Variants in SLC49A4 observed in about 807,000 individuals in gnomAD.
SLC49A4 encodes solute carrier family 49 member 4, also known as disrupted in renal cancer protein 2.
SLC49A4 carries 36 observed loss-of-function variants against 50.6 expected under a neutral mutation model. The ratio of observed to expected loss-of-function variants is 0.71; its 90% CI spans 0.55 to 0.94. SLC49A4 has a LOEUF of 0.94. Ranked by LOEUF, SLC49A4 falls within the 40% of genes least tolerant of loss-of-function variation. The pLI, the probability that SLC49A4 is intolerant of heterozygous loss-of-function variation, is 0.00. For synonymous variants in SLC49A4, 248 were observed against 241.2 expected, an observed-to-expected ratio of 1.03 and a Z score of -0.26; for missense variants, 503 against 605.7, an observed-to-expected ratio of 0.83 and a Z score of 1.78.
rs545479073 is a variant in SLC49A4, at chr3:122,865,596, A to G, written c.1138+5394A>G. Among the ~76,000 whole-genome samples, 52 of 152,304 alleles carry G rather than the reference A, an allele frequency of 3.4e-4. 1 individual carries two copies. The South Asian group carries it at 0.011, about 32-fold the overall frequency. ...CAGCACACTCAAAACCTATGAAAAA[A>G]CTATATAGTTAGCAAACACTGTGAA... On this transcript the variant is annotated intron_variant, in intron 7 of 8. Transcript: ENST00000261038.
chr3:122,831,030 G>C (rs2107567149), intron 3 of SLC49A4, among the ~76,000 whole-genome samples: 1 of 152,170 alleles, frequency 6.6e-6, no homozygotes, highest in African/African-American at 2.4e-5. Context: ...AAGATACTCA[G>C]TGTCATTAGT....
chr3:122,868,665 T>G (rs1937153276), intron 7 of SLC49A4, among the ~76,000 whole-genome samples: 1 of 152,212 alleles, frequency 6.6e-6, no homozygotes, highest in Non-Finnish European at 1.5e-5. Context: ...CTTCCCCCAT[T>G]CTGATGATGA....
At chr3:122,872,364 A>G (rs1372696822) in intron 7 of SLC49A4, 51 bp from the exon 8 acceptor site, 1 of 1,465,180 alleles carries the variant, frequency 6.8e-7, no homozygotes, top group Non-Finnish European at 9.4e-7. Context: ...TCTATCTGAT[A>G]TGACTCACTG....
At chr3:122,830,760 A>G (rs1489033190) in intron 3 of SLC49A4, among the ~76,000 whole-genome samples, 1 of 152,224 alleles carries the variant, frequency 6.6e-6, no homozygotes, top group Admixed American at 6.5e-5. Flanking sequence ...CAAAAGCACC[A>G]GTGACAAAGG....
chr3:122,824,127 G>A (rs1936491548), intron 2 of SLC49A4, among the ~76,000 whole-genome samples: 1 of 152,230 alleles, frequency 6.6e-6, no homozygotes, highest in Non-Finnish European at 1.5e-5. Flanking sequence ...AAGAGTGTAT[G>A]TATGATGACT....
chr3:122,868,788 T>C (rs1393132767), intron 7 of SLC49A4, among the ~76,000 whole-genome samples: 4 of 152,210 alleles, frequency 2.6e-5, no homozygotes, highest in Non-Finnish European at 4.4e-5. Context: ...AACCTCTTGG[T>C]CATCACTTTT....
At chr3:122,843,885 AGCACTCTGTTTCAAGAT>A (rs1936813883) in intron 4 of SLC49A4, among the ~76,000 whole-genome samples, 2 of 152,216 alleles carry the variant, frequency 1.3e-5, no homozygotes, top group Non-Finnish European at 2.9e-5. Flanking sequence ...TTGTGATGTT[AGCACTCTGTTTCAAGAT>A]GCACCCCTGC....
intron 2 of SLC49A4, among the ~76,000 whole-genome samples, chr3:122,808,875 C>T (rs1328916008): frequency 1.3e-5 from 2 of 152,126 alleles, no homozygotes; most frequent in African/African-American, 4.8e-5. Context: ...TGATTATATT[C>T]TGGTCCATTT....
intron 4 of SLC49A4, among the ~76,000 whole-genome samples, chr3:122,839,274 T>C (rs1446484786): frequency 6.6e-6 from 1 of 152,140 alleles, no homozygotes; most frequent in Non-Finnish European, 1.5e-5. Context: ...ATATAAGATC[T>C]GAAACCATAA....
At chr3:122,873,096 C>T (rs867689667) in intron 8 of SLC49A4, among the ~76,000 whole-genome samples, 3 of 152,020 alleles carry the variant, frequency 2.0e-5, no homozygotes, top group Admixed American at 6.6e-5. Context: ...TCCAAGAGGC[C>T]GAATTGTTTA....
chr3:122,826,117 G>A (rs1445910316), intron 2 of SLC49A4, among the ~76,000 whole-genome samples: 2 of 152,200 alleles, frequency 1.3e-5, no homozygotes, highest in East Asian at 3.8e-4. Context: ...TTTCACGAGG[G>A]AAGAAATGGA....
intron 7 of SLC49A4, among the ~76,000 whole-genome samples, chr3:122,870,245 TCCTGTTACTTA>T (rs369512619): frequency 3.3e-5 from 5 of 152,280 alleles, no homozygotes; most frequent in African/African-American, 9.6e-5. Context: ...TTGATTTCTT[TCCTGTTACTTA>T]CTTCAGTATT....
intron 1 of SLC49A4, among the ~76,000 whole-genome samples, chr3:122,798,634 CTTTTTT>C (rs71136594): frequency 1.1e-4 from 7 of 62,826 alleles, no homozygotes; most frequent in East Asian, 5.4e-4. Flanking sequence ...ACTAAAATAT[CTTTTTT>C]TTTTTTTTTT....
chr3:122,852,340 A>T (rs1936937326), intron 5 of SLC49A4, among the ~76,000 whole-genome samples: 1 of 152,094 alleles, frequency 6.6e-6, no homozygotes, highest in Non-Finnish European at 1.5e-5. Context: ...GAAATGCTTG[A>T]TATCTTATTT....
At chr3:122,850,020 C>T (rs1312665740) in intron 5 of SLC49A4, among the ~76,000 whole-genome samples, 1 of 152,104 alleles carries the variant, frequency 6.6e-6, no homozygotes, top group Non-Finnish European at 1.5e-5. Flanking sequence ...TGCCAGCACT[C>T]ATTTAATTTT....
chr3:122,827,507 T>C (rs1169734415), intron 3 of SLC49A4, among the ~76,000 whole-genome samples: 1 of 152,254 alleles, frequency 6.6e-6, no homozygotes, highest in Non-Finnish European at 1.5e-5. Context: ...ACCTTGATCA[T>C]CTACAGTTTA....
At chr3:122,861,950 A>G (rs1265996078) in intron 7 of SLC49A4, among the ~76,000 whole-genome samples, 1 of 152,196 alleles carries the variant, frequency 6.6e-6, no homozygotes, top group Admixed American at 6.5e-5. Flanking sequence ...ATGACATCGT[A>G]TCTTTGCAAA....
At chr3:122,822,374 C>T (rs184546351) in intron 2 of SLC49A4, among the ~76,000 whole-genome samples, 1 of 152,276 alleles carries the variant, frequency 6.6e-6, no homozygotes, top group Admixed American at 6.5e-5. Context: ...TCAGACTGTT[C>T]ATTTAAGCTG....
intron 7 of SLC49A4, among the ~76,000 whole-genome samples, chr3:122,868,941 A>C (rs1341200775): frequency 6.6e-6 from 1 of 152,202 alleles, no homozygotes; most frequent in Non-Finnish European, 1.5e-5. Flanking sequence ...GCATTCTAAC[A>C]AATGGGAAAA....
Sources: allele counts gnomAD v4.1 joint callset (sites outside exome capture counted in the v4.1 genomes callset), GRCh38; gene constraint gnomAD v4.1.1; transcripts MANE v1.5; gene names NCBI Gene and HGNC (gene_info 2026-07-23, HGNC 2026-07-21).